Variants in JAK1 observed in about 807,000 individuals in gnomAD.
JAK1 encodes tyrosine-protein kinase JAK1.
In JAK1, 16 loss-of-function variants were observed where a neutral mutation model predicts 136.6. That is an observed-to-expected ratio of 0.12 (90% CI 0.08 to 0.18). The LOEUF (loss-of-function observed/expected upper bound fraction) is 0.18, where lower values mean the gene tolerates loss of function less well. JAK1 is among the 10% of genes least tolerant of loss of function. JAK1 has a pLI of 1.00. For missense variants in JAK1, 859 were observed against 1,450.1 expected (o/e 0.59, Z 6.62); for synonymous variants, 492 against 519.5 (o/e 0.95, Z 0.72).
intron 1 of JAK1, among the ~76,000 whole-genome samples, chr1:64,912,456 G>A (rs566241009): frequency 1.4e-4 from 21 of 152,308 alleles, no homozygotes; most frequent in African/African-American, 5.1e-4. Context: ...AAGCTGTGGG[G>A]CAGATCCTAG....
intron 1 of JAK1, among the ~76,000 whole-genome samples, chr1:64,936,572 G>T (rs1192793324): frequency 2.0e-5 from 3 of 152,174 alleles, no homozygotes; most frequent in African/African-American, 7.2e-5. Context: ...ACTTTCACAA[G>T]TATGACTGGA....
chr1:64,946,929 A>C (rs962503745), intron 1 of JAK1, among the ~76,000 whole-genome samples: 3 of 152,200 alleles, frequency 2.0e-5, no homozygotes, highest in African/African-American at 7.2e-5. Context: ...ATAAACCTTG[A>C]GGACATTATG....
At chr1:64,908,742 A>T (rs1432226083) in intron 1 of JAK1, among the ~76,000 whole-genome samples, 1 of 9,680 alleles carries the variant, frequency 1.0e-4, no homozygotes, top group Non-Finnish European at 9.3e-4. Flanking sequence ...GCAAACATAC[A>T]CACACACACA....
chr1:64,932,187 G>A (rs1645707420), intron 1 of JAK1, among the ~76,000 whole-genome samples: 1 of 151,368 alleles, frequency 6.6e-6, no homozygotes, highest in Non-Finnish European at 1.5e-5. Flanking sequence ...GGCCGAGGTG[G>A]GGGGATCACG....
intron 12 of JAK1, among the ~76,000 whole-genome samples, chr1:64,848,561 A>AG (rs1489645200): frequency 6.0e-4 from 92 of 152,318 alleles, no homozygotes; most frequent in African/African-American, 2.2e-3. Context: ...GGAGGACTGA[A>AG]TGAGATGATC....
At chr1:65,025,045 A>G (rs1197660579) in intron 2 of JAK1, among the ~76,000 whole-genome samples, 1 of 152,092 alleles carries the variant, frequency 6.6e-6, no homozygotes, top group African/African-American at 2.4e-5. Flanking sequence ...TCACTGTCTG[A>G]GCCCCATTCT....
At chr1:64,996,710 CTGTT>C (rs1646707080) in intron 2 of JAK1, among the ~76,000 whole-genome samples, 2 of 152,196 alleles carry the variant, frequency 1.3e-5, no homozygotes, top group South Asian at 2.1e-4. Flanking sequence ...ATTTTTTAAA[CTGTT>C]TGCCAACACT....
At chr1:64,917,822 C>T (rs1645425931) in intron 1 of JAK1, among the ~76,000 whole-genome samples, 1 of 152,160 alleles carries the variant, frequency 6.6e-6, no homozygotes, top group Non-Finnish European at 1.5e-5. Context: ...GCTGGGCCCA[C>T]TGCAGTCTTC....
At chr1:64,887,989 G>T (rs1024951863) in intron 1 of JAK1, among the ~76,000 whole-genome samples, 2 of 152,082 alleles carry the variant, frequency 1.3e-5, no homozygotes, top group African/African-American at 4.8e-5. Context: ...ACAGCATACC[G>T]TTACCAGCTG....
At chr1:64,928,090 G>C (rs534677131) in intron 1 of JAK1, among the ~76,000 whole-genome samples, 15 of 152,288 alleles carry the variant, frequency 9.8e-5, no homozygotes, top group Non-Finnish European at 2.2e-4. Flanking sequence ...TGGCACAAAA[G>C]GCACTGACTA....
chr1:64,869,318 C>T lies in JAK1; in HGVS notation c.640G>A (p.Asp214Asn). Reference protein sequence around the residue: ...KKMQLPELPKDISYKRYIPET... With the variant: ...KKMQLPELPKNISYKRYIPET... ...GCCAGTGGGAAGCTTTACCTGATGT[C>T]CTTGGGCAGTTCTGGCAACTGCATC... Residue 214 changes from aspartate (D) to asparagine (N), a missense_variant, in exon 6 of 25, where the codon GAC (aspartate) becomes AAC (asparagine). Transcript: ENST00000342505. 1 of 1,613,792 alleles carries T rather than the reference C, an allele frequency of 6.2e-7. No individual in the cohort carries two copies. The highest frequency in any genetic ancestry group is 8.5e-7 in the Non-Finnish European group (1 of 1,179,846).
At chr1:64,939,269 A>T (rs1338316143) in intron 1 of JAK1, among the ~76,000 whole-genome samples, 1 of 152,260 alleles carries the variant, frequency 6.6e-6, no homozygotes, top group South Asian at 2.1e-4. Flanking sequence ...GCATGAACAT[A>T]TACATATAAG....
At chr1:64,972,307 C>T (rs1646459399) in intron 2 of JAK1, 1 of 152,334 alleles carries the variant, frequency 6.6e-6, no homozygotes, top group South Asian at 2.1e-4. Context: ...AAGGTACAAA[C>T]TATTTGAAAA....
chr1:64,978,431 A>G (rs1646515520), intron 2 of JAK1, among the ~76,000 whole-genome samples: 2 of 152,260 alleles, frequency 1.3e-5, no homozygotes, highest in Non-Finnish European at 2.9e-5. Flanking sequence ...ACAGAGCAGA[A>G]TAAGTGTTAC....
intron 2 of JAK1, among the ~76,000 whole-genome samples, chr1:65,004,748 T>C (rs752528172): frequency 6.6e-6 from 1 of 152,214 alleles, no homozygotes; most frequent in African/African-American, 2.4e-5. Context: ...GTTATAATAA[T>C]ATAATCCAAG....
chr1:64,836,972 T>C (rs1272576134), intron 22 of JAK1, among the ~76,000 whole-genome samples: 1 of 152,206 alleles, frequency 6.6e-6, no homozygotes, highest in African/African-American at 2.4e-5. Context: ...GCAAACCTCC[T>C]ATTCCATGAT....
In JAK1 at chr1:64,850,893, C is replaced by A; in HGVS notation, c.1666G>T (p.Val556Leu). The A allele has an allele frequency of 6.2e-7, 1 of 1,613,510 alleles. No homozygotes were observed. Among genetic ancestry groups the A allele is most frequent in the Non-Finnish European group, 8.5e-7 (1 of 1,179,466 alleles). The change falls in exon 12 of 25, where the codon GTG becomes TTG. Residue 556 changes from valine to leucine, a missense_variant. Val to Leu is a conservative substitution (Grantham distance 32). Transcript: ENST00000342505. Reference sequence around the variant, plus strand: ...CACTCCTGGGCTTTCTTAGTAGCCACCAGCAGGTTGGAGATTTCTGTGGAA... The same window carrying A: ...CACTCCTGGGCTTTCTTAGTAGCCAACAGCAGGTTGGAGATTTCTGTGGAA... ...PKPREISNLL[V>L]ATKKAQEWQP...
In JAK1 at chr1:64,858,706, T is replaced by A. The variant is rs1440285636; in HGVS notation, c.1335-927A>T. 2.0e-5 allele frequency among the ~76,000 whole-genome samples: 3 copies of A among 152,214 alleles called. No homozygotes were observed. The East Asian group carries it at 5.8e-4, about 29-fold the overall frequency. On this transcript the variant is annotated intron_variant, in intron 9 of 24. Coordinates refer to ENST00000342505, the MANE Select transcript of JAK1 (RefSeq NM_002227.4). ...GCCCCAGCCTTTGGGAAGCTCATAT[T>A]CTGGGAGGTGAGGGTAGTCAGACCA...
rs1279609028 is a variant in JAK1 at position 64,833,704 on chromosome 1, A to G, written c.*858T>C. ...GGTATTCAGACTGGTTGCATACAGCATTCAAAACCAGTGCTGGAATAGCTT... is the reference window on the plus strand; with the variant it reads ...GGTATTCAGACTGGTTGCATACAGCGTTCAAAACCAGTGCTGGAATAGCTT... On this transcript the variant is annotated 3_prime_UTR_variant, in exon 25 of 25. Coordinates refer to ENST00000342505, the MANE Select transcript of JAK1 (RefSeq NM_002227.4). The G allele has an allele frequency of 4.3e-6, 1 of 232,988 alleles. No homozygotes were observed. The highest frequency in any genetic ancestry group is 6.0e-5 in the East Asian group (1 of 16,592). 14.4% of individuals were successfully genotyped at this position (232,988 alleles called of 1,614,324 possible).
Sources: allele counts gnomAD v4.1 joint callset (sites outside exome capture counted in the v4.1 genomes callset), GRCh38; gene constraint gnomAD v4.1.1; transcripts MANE v1.5; gene names NCBI Gene and HGNC (gene_info 2026-07-23, HGNC 2026-07-21).